The following PLCD4 variants were observed in gnomAD, a reference collection of about 807,000 sequenced individuals.
PLCD4 encodes the protein phospholipase C delta 4.
In PLCD4, 63 loss-of-function variants were observed where a neutral mutation model predicts 90.2. The ratio of observed to expected loss-of-function variants is 0.70; its 90% confidence interval spans 0.57 to 0.86. The LOEUF (loss-of-function observed/expected upper bound fraction) is 0.86, where lower values mean the gene tolerates loss of function less well. Among genes scored for constraint, PLCD4 ranks in the 40% least tolerant of loss-of-function variants. The probability of loss-of-function intolerance (pLI) is 0.00; values close to 1 mark genes in which losing one functional copy is unlikely to be tolerated. For synonymous variants in PLCD4, 294 were observed against 356.5 expected (o/e 0.82, Z 1.97); for missense variants, 830 against 956.3 (o/e 0.87, Z 1.74).
chr2:218,611,770 C>T (rs892096744), intron 1 of PLCD4, among the ~76,000 whole-genome samples: 3 of 151,384 alleles, frequency 2.0e-5, no homozygotes, highest in East Asian at 1.9e-4. Context: ...GGCTACTTTT[C>T]GTATTTTTAA....
intron 6 of PLCD4, among the ~76,000 whole-genome samples, chr2:218,624,556 T>C (rs1440664985): frequency 6.6e-6 from 1 of 151,628 alleles, no homozygotes; most frequent in Non-Finnish European, 1.5e-5. Flanking sequence ...CTGTCTCTAC[T>C]AAAAATATAA....
In PLCD4 at chr2:218,634,000, G is replaced by C. The variant is rs919325832; in HGVS notation, c.1607-105G>C. 12 of 1,460,126 alleles carry C rather than the reference G, an allele frequency of 8.2e-6. No homozygotes were observed. The East Asian group carries it at 2.2e-4, about 27-fold the overall frequency. The allele number at this position is 1,460,126 out of a possible 1,614,324, so 90.4% of individuals were successfully genotyped here. A position where few individuals can be genotyped will look rare whatever the true frequency, so the allele number is the denominator to read the frequency against. On this transcript the variant is annotated intron_variant, in intron 11 of 15. Coordinates refer to ENST00000450993, the MANE Select transcript of PLCD4 (RefSeq NM_032726.4). Reference sequence around the variant, plus strand: ...GGCACAGTGAAACTTTCTGGAGCCAGCTTCAGATGCTGGAGAGAAGGGTGA... The same window carrying C: ...GGCACAGTGAAACTTTCTGGAGCCACCTTCAGATGCTGGAGAGAAGGGTGA...
At chr2:218,618,117 C>A (rs1695706208) in intron 3 of PLCD4, among the ~76,000 whole-genome samples, 1 of 151,996 alleles carries the variant, frequency 6.6e-6, no homozygotes, top group Non-Finnish European at 1.5e-5. Flanking sequence ...AACAAACAAA[C>A]AAACCTGGAA....
Position 218,621,571 on chromosome 2 carries a change from A to T in PLCD4, c.512A>T (p.Asp171Val). 1 of 1,613,972 alleles carries T rather than the reference A, an allele frequency of 6.2e-7. No homozygotes were observed. The highest frequency in any genetic ancestry group is 1.1e-5 in the South Asian group (1 of 91,084). ...RLLHLMNVEM[D>V]QEYAFSLFQA... is the part of the protein sequence containing the mutation. ...TTGCACCTAATGAATGTGGAAATGG[A>T]CCAAGAATATGCCTTCAGTCTTTTT... Residue 171 changes from aspartate (D) to valine (V), a missense_variant, in exon 5 of 16, where the codon GAC becomes GTC. Coordinates refer to ENST00000450993, the MANE Select transcript of PLCD4 (RefSeq NM_032726.4).
At position 218,636,916 on chromosome 2, in the gene PLCD4, C is replaced by T. The variant is rs1308020135; in HGVS notation, c.*339C>T. 1 of 465,802 alleles carries T rather than the reference C, an allele frequency of 2.1e-6. No individual in the cohort carries two copies. The highest frequency in any genetic ancestry group is 4.3e-6 in the Non-Finnish European group (1 of 233,650). 28.9% of individuals were successfully genotyped at this position (465,802 alleles called of 1,614,324 possible). ...CTTTCCCATCAACTCTGTGTGAAGGCAGGTTGCAACTAGAAATTCAGAGGG... is the reference window on the plus strand; with the variant it reads ...CTTTCCCATCAACTCTGTGTGAAGGTAGGTTGCAACTAGAAATTCAGAGGG... On this transcript the variant is annotated 3_prime_UTR_variant, in exon 16 of 16. Transcript: ENST00000450993.
chr2:218,620,397 T>A (rs1042453485), intron 4 of PLCD4, among the ~76,000 whole-genome samples: 1 of 151,968 alleles, frequency 6.6e-6, no homozygotes, highest in African/African-American at 2.4e-5. Context: ...TCCCAGCTAC[T>A]CAGGAGGCTG....
chr2:218,633,857 G>A, intron 11 of PLCD4, 96 bp downstream of exon 11: 1 of 1,441,532 alleles, frequency 6.9e-7, no homozygotes. Context: ...AGACAAGGTA[G>A]CTAAGGAGAG....
rs1423969107 is a variant in PLCD4 at position 218,624,254 on chromosome 2, T to TTC, written c.772+1376_772+1377insTC. 1.2e-3 allele frequency among the ~76,000 whole-genome samples: 189 copies of TTC among 152,122 alleles called. 1 individual carries two copies. Among genetic ancestry groups the TTC allele is most frequent in the Non-Finnish European group, 2.1e-3 (146 of 67,978 alleles). On this transcript the variant is annotated intron_variant, in intron 6 of 15. Coordinates refer to ENST00000450993, the MANE Select transcript of PLCD4 (RefSeq NM_032726.4). ...TCTTACTCCCTTTCATTCATTCATTTATTCACTACTTCAATGAATGCTTAT... is the reference window on the plus strand; with the variant it reads ...TCTTACTCCCTTTCATTCATTCATTTTCATTCACTACTTCAATGAATGCTTAT...
intron 6 of PLCD4, 88 bp from the exon 7 acceptor site, chr2:218,627,941 A>G: frequency 1.6e-6 from 2 of 1,254,142 alleles, no homozygotes; most frequent in Non-Finnish European, 2.2e-6. Flanking sequence ...AGGGCTCTGG[A>G]TGGAGTGGGA....
intron 4 of PLCD4, among the ~76,000 whole-genome samples, chr2:218,619,782 A>G (rs570460064): frequency 6.6e-6 from 1 of 152,310 alleles, no homozygotes; most frequent in African/African-American, 2.4e-5. Context: ...TCTCTACAAA[A>G]AATTAAGAAG....
At chr2:218,620,871 G>A (rs1422108784) in intron 4 of PLCD4, among the ~76,000 whole-genome samples, 1 of 145,388 alleles carries the variant, frequency 6.9e-6, no homozygotes, top group Non-Finnish European at 1.5e-5. Context: ...TCCAGCCTGG[G>A]TGACGGAGCG....
At chr2:218,612,495 C>T (rs919151736) in intron 1 of PLCD4, among the ~76,000 whole-genome samples, 8 of 152,174 alleles carry the variant, frequency 5.3e-5, no homozygotes, top group Non-Finnish European at 8.8e-5. Context: ...CTTCTCTAGG[C>T]GGGGCAGAGT....
chr2:218,627,193 G>A (rs879639137), intron 6 of PLCD4, among the ~76,000 whole-genome samples: 2 of 151,648 alleles, frequency 1.3e-5, no homozygotes, highest in Non-Finnish European at 2.9e-5. Context: ...ACCAGGAGGC[G>A]GAGCTTGCAG....
intron 8 of PLCD4, 70 bp from the exon 9 acceptor site, chr2:218,630,580 C>T (rs573185168): frequency 1.3e-5 from 20 of 1,581,086 alleles, no homozygotes; most frequent in African/African-American, 8.1e-5. Flanking sequence ...GCCTAGGAAG[C>T]GGGTACTTGA....
At chr2:218,625,249 C>A (rs1210216744) in intron 6 of PLCD4, among the ~76,000 whole-genome samples, 6 of 146,302 alleles carry the variant, frequency 4.1e-5, no homozygotes, top group Admixed American at 4.1e-4. Flanking sequence ...GAAATAGGAT[C>A]TTTTGTTACC....
In PLCD4 at chr2:218,633,709, C is replaced by T. The variant is rs374723132; in HGVS notation, c.1554C>T (p.Tyr518=). ...FTHSKEHYHF[Y]EISSFSETKA... The stretch of plus-strand genomic sequence containing the variant: ...ATTCAAAGGAGCACTACCACTTCTA[C>T]GAGATATCATCTTTCTCTGAAACCA... Residue 518 remains tyrosine (Y), a synonymous_variant, in exon 11 of 16, where the codon TAC becomes TAT. Transcript: ENST00000450993. The T allele has an allele frequency of 6.3e-5, 101 of 1,613,916 alleles. No homozygotes were observed. The highest frequency in any genetic ancestry group is 1.6e-4 in the Middle Eastern group (1 of 6,062).
rs1696571941 is a variant in PLCD4 at position 218,634,213 on chromosome 2, G to A, written c.1715G>A (p.Cys572Tyr). 1 of 1,609,544 alleles carries A rather than the reference G, an allele frequency of 6.2e-7. No individual in the cohort carries two copies. The highest frequency in any genetic ancestry group is 8.5e-7 in the Non-Finnish European group (1 of 1,177,928). The part of the protein sequence containing the change: ...YNPQELWNAG[C>Y]QMVAMNMQTA... ...CCCCAGGAACTCTGGAATGCAGGCT[G>A]CCAGATGGGTGAGGAGGCAGCAGGG... Residue 572 changes from cysteine to tyrosine, a missense_variant, in exon 12 of 16, where the codon TGC becomes TAC. By Grantham distance (194) the Cys-to-Tyr change is radical. Coordinates refer to ENST00000450993, the MANE Select transcript of PLCD4 (RefSeq NM_032726.4). The surrounding 1 kb of genome is among the most constrained non-coding windows in gnomAD (Gnocchi z 4.0).
intron 11 of PLCD4, 143 bp from the exon 12 acceptor site, chr2:218,633,962 G>T: frequency 7.9e-7 from 1 of 1,268,582 alleles, no homozygotes. Context: ...GGTCTGGATG[G>T]ACAGAGTAGA....
At chr2:218,633,241 G>T (rs1190449681) in intron 10 of PLCD4, 2 of 603,388 alleles carry the variant, frequency 3.3e-6, no homozygotes, top group East Asian at 5.5e-5. Flanking sequence ...TGAGAGGGAG[G>T]GAGGATAATG....
Sources: gnomAD v4.1 joint callset for allele counts (sites outside exome capture counted in the v4.1 genomes callset) on GRCh38, gnomAD v4.1.1 for gene constraint, Gnocchi (gnomAD v3.1) non-coding constraint, MANE v1.5 for transcripts, NCBI Gene and HGNC (gene_info 2026-07-23, HGNC 2026-07-21) for gene names.